The following ADAD1 variants were observed in gnomAD, a reference collection of about 807,000 sequenced individuals.
The protein encoded by ADAD1 is adenosine deaminase domain-containing protein 1.
A neutral mutation model predicts 66.8 loss-of-function variants in ADAD1; 46 were observed. The ratio of observed to expected loss-of-function variants is 0.69; its 90% CI spans 0.54 to 0.88. ADAD1 has a LOEUF of 0.88. Ranked by LOEUF, ADAD1 falls within the 40% of genes least tolerant of loss-of-function variation. The pLI, the probability that ADAD1 is intolerant of heterozygous loss-of-function variation, is 0.00. For missense variants in ADAD1, 617 were observed against 681.8 expected, an observed-to-expected ratio of 0.91 and a Z score of 1.06; for synonymous variants, 248 against 229.4, an observed-to-expected ratio of 1.08 and a Z score of -0.73.
chr4:122,380,093 T>C lies in ADAD1; in HGVS notation c.24T>C (p.Phe8=). 1 of 1,613,210 alleles carries C rather than the reference T, an allele frequency of 6.2e-7. No homozygotes were observed. The change falls in exon 3 of 13, where the codon TTT becomes TTC. Residue 8 remains phenylalanine (F), a synonymous_variant. Coordinates refer to ENST00000296513, the MANE Select transcript of ADAD1 (RefSeq NM_139243.4). ...AAATGGCTAGCAACAATCATTGGTT[T>C]CAGAGTTCGCAGGTCCCCAGCTTTG... MASNNHW[F]QSSQVPSFAQ... is the part of the protein sequence containing the mutation.
At chr4:122,410,478 GA>G (rs967944209) in intron 8 of ADAD1, among the ~76,000 whole-genome samples, 64 of 150,842 alleles carry the variant, frequency 4.2e-4, no homozygotes, top group African/African-American at 1.4e-3. Context: ...TCCCTTTTTA[GA>G]AAAAAAAATT....
At chr4:122,380,800 T>G (rs1485933494) in intron 3 of ADAD1, among the ~76,000 whole-genome samples, 192 bp from the exon 4 acceptor site, 2 of 152,176 alleles carry the variant, frequency 1.3e-5, no homozygotes, top group African/African-American at 4.8e-5. Context: ...TGCAAAATAG[T>G]CTTAGTACTC....
Position 122,383,486 on chromosome 4 carries a change from G to T in ADAD1, c.362-313G>T, listed in dbSNP as rs1259682718. Among the ~76,000 whole-genome samples the T allele has an allele frequency of 2.0e-5, 3 of 152,178 alleles. No homozygotes were observed. The East Asian group carries it at 5.8e-4, about 29-fold the overall frequency. On this transcript the variant is annotated intron_variant, in intron 4 of 12. Coordinates refer to ENST00000296513, the MANE Select transcript of ADAD1 (RefSeq NM_139243.4). Reference sequence around the variant, plus strand: ...TCTCACTAGCCGTTTGACAGATAGTGGAGTGTTTACCATTGCCAGGCATTA... The same window carrying T: ...TCTCACTAGCCGTTTGACAGATAGTTGAGTGTTTACCATTGCCAGGCATTA...
intron 7 of ADAD1, among the ~76,000 whole-genome samples, chr4:122,397,297 C>A (rs1795762399): frequency 6.6e-6 from 1 of 152,134 alleles, no homozygotes; most frequent in South Asian, 2.1e-4. Context: ...TAATTTCAAA[C>A]AGTGATAGAC....
chr4:122,393,259 A>T (rs2150548937), intron 5 of ADAD1, among the ~76,000 whole-genome samples: 1 of 152,196 alleles, frequency 6.6e-6, no homozygotes, highest in South Asian at 2.1e-4. Context: ...TTAATTTAAA[A>T]TGTTTTTCAC....
At chr4:122,427,751 G>A (rs1268557744) in intron 12 of ADAD1, among the ~76,000 whole-genome samples, 3 of 151,726 alleles carry the variant, frequency 2.0e-5, no homozygotes, top group African/African-American at 7.3e-5. Flanking sequence ...GGCCAGGCAG[G>A]TCTCGAACTT....
intron 12 of ADAD1, 109 bp from the exon 13 acceptor site, chr4:122,429,517 A>C: frequency 1.6e-6 from 1 of 611,686 alleles, no homozygotes; most frequent in Non-Finnish European, 2.8e-6. Flanking sequence ...ATTAAAAAAG[A>C]CTTTGATTAA....
rs1795029675 is a variant in ADAD1 at position 122,383,888 on chromosome 4, A to G, written c.451A>G (p.Arg151Gly). The G allele has an allele frequency of 6.2e-7, 1 of 1,614,028 alleles. No homozygotes were observed. Among genetic ancestry groups the G allele is most frequent in the Non-Finnish European group, 8.5e-7 (1 of 1,179,928 alleles). ...TGLGQNKKESRSNAAKLALDE... is the reference protein window; with the variant it reads ...TGLGQNKKESGSNAAKLALDE... Reference sequence around the variant, plus strand: ...ACTGGGACAAAATAAAAAGGAGTCTAGATCCAATGCAGCAAAATTAGCTCT... The same window carrying G: ...ACTGGGACAAAATAAAAAGGAGTCTGGATCCAATGCAGCAAAATTAGCTCT... Residue 151 changes from arginine to glycine, a missense_variant, in exon 5 of 13, where the codon AGA becomes GGA. Arg to Gly is a moderately radical substitution (Grantham distance 125). Coordinates refer to ENST00000296513, the MANE Select transcript of ADAD1 (RefSeq NM_139243.4).
chr4:122,400,754 A>G lies in ADAD1; in HGVS notation c.724+4377A>G, dbSNP rs189486207. ...GAGGGTTGTCTGTTTCCAGGAATTT[A>G]TCCATCTCTTCTAGATTTTCTAGTT... On this transcript the variant is annotated intron_variant, in intron 7 of 12. Coordinates refer to ENST00000296513, the MANE Select transcript of ADAD1 (RefSeq NM_139243.4). Among the ~76,000 whole-genome samples the G allele has an allele frequency of 2.0e-5, 3 of 152,122 alleles. No homozygotes were observed. In the East Asian group the frequency reaches 5.8e-4, roughly 29 times the overall value.
rs1453010053 is a variant in ADAD1 at position 122,415,711 on chromosome 4, T to C, written c.1487+95T>C. 3 of 1,046,660 alleles carry C rather than the reference T, an allele frequency of 2.9e-6. No individual in the cohort carries two copies. The African/African-American group carries it at 4.8e-5, about 17-fold the overall frequency. The allele number at this position is 1,046,660 out of a possible 1,614,324, so 64.8% of individuals were successfully genotyped here. A position where few individuals can be genotyped will look rare whatever the true frequency, so the allele number is the denominator to read the frequency against. On this transcript the variant is annotated intron_variant, in intron 11 of 12. Transcript: ENST00000296513. ...TTCTGACTCTTTTGGATACTATTTA[T>C]TGAACTCTGAACAATAATTATTATC...
At chr4:122,428,413 T>C (rs1326914652) in intron 12 of ADAD1, among the ~76,000 whole-genome samples, 2 of 152,182 alleles carry the variant, frequency 1.3e-5, no homozygotes, top group Non-Finnish European at 2.9e-5. Context: ...AGATGGTAAA[T>C]GTGTGATCAG....
chr4:122,400,740 G>T (rs1218002237), intron 7 of ADAD1, among the ~76,000 whole-genome samples: 1 of 152,032 alleles, frequency 6.6e-6, no homozygotes, highest in African/African-American at 2.4e-5. Flanking sequence ...AGGGTTGTCT[G>T]TTTCCAGGAA....
chr4:122,415,866 C>T (rs1189315690), intron 11 of ADAD1, among the ~76,000 whole-genome samples: 2 of 152,066 alleles, frequency 1.3e-5, no homozygotes, highest in Non-Finnish European at 2.9e-5. Context: ...TACTAAATGG[C>T]AGAGTCACCT....
At chr4:122,380,504 G>T in intron 3 of ADAD1, 1 of 445,428 alleles carries the variant, frequency 2.2e-6, no homozygotes, top group South Asian at 3.3e-5. Context: ...GAGGTGAGGC[G>T]CAAGGGAAGA....
At chr4:122,385,442 T>C (rs1160936616) in intron 5 of ADAD1, among the ~76,000 whole-genome samples, 1 of 152,052 alleles carries the variant, frequency 6.6e-6, no homozygotes, top group Non-Finnish European at 1.5e-5. Context: ...CCGGCTAATT[T>C]TTGTATTTTT....
intron 6 of ADAD1, among the ~76,000 whole-genome samples, chr4:122,395,949 G>T (rs753817134): frequency 1.3e-5 from 2 of 152,222 alleles, no homozygotes; most frequent in Non-Finnish European, 2.9e-5. Context: ...GTACAACAAA[G>T]AATTGTCTTG....
At chr4:122,383,079 C>G in intron 4 of ADAD1, among the ~76,000 whole-genome samples, 1 of 152,246 alleles carries the variant, frequency 6.6e-6, no homozygotes, top group Non-Finnish European at 1.5e-5. Flanking sequence ...ACAGAAGAAT[C>G]TTTGACCTGT....
At chr4:122,414,650 G>A (rs1796644985) in intron 10 of ADAD1, among the ~76,000 whole-genome samples, 1 of 152,060 alleles carries the variant, frequency 6.6e-6, no homozygotes, top group Non-Finnish European at 1.5e-5. Flanking sequence ...AATATGTCTA[G>A]TGGTTTACAA....
intron 8 of ADAD1, among the ~76,000 whole-genome samples, chr4:122,409,434 T>C (rs1274973201): frequency 6.6e-6 from 1 of 152,186 alleles, no homozygotes; most frequent in African/African-American, 2.4e-5. Context: ...TTTATAGCGT[T>C]CATAAGCTAT....
Sources: allele counts gnomAD v4.1 joint callset (sites outside exome capture counted in the v4.1 genomes callset), GRCh38; gene constraint gnomAD v4.1.1; transcripts MANE v1.5; gene names NCBI Gene and HGNC (gene_info 2026-07-23, HGNC 2026-07-21).